The following MASTL variants were observed in gnomAD, a reference collection of about 807,000 sequenced individuals.
MASTL encodes serine/threonine-protein kinase greatwall.
A neutral mutation model predicts 82.5 loss-of-function variants in MASTL; 54 were observed. The ratio of observed to expected loss-of-function variants is 0.65; its 90% confidence interval spans 0.53 to 0.82. The LOEUF is 0.82. Among genes scored for constraint, MASTL ranks in the 40% least tolerant of loss-of-function variants. The pLI, the probability that MASTL is intolerant of heterozygous loss-of-function variation, is 0.00. For synonymous variants in MASTL, 323 were observed against 368.9 expected (o/e 0.88, Z 1.43); for missense variants, 950 against 1,047.8 (o/e 0.91, Z 1.29).
intron 2 of MASTL, among the ~76,000 whole-genome samples, 168 bp downstream of exon 2, chr10:27,158,854 GA>G (rs2057478668): frequency 6.6e-6 from 1 of 152,176 alleles, no homozygotes; most frequent in Non-Finnish European, 1.5e-5. Context: ...CAAAGAAAAA[GA>G]ACCAATAAGA....
At chr10:27,174,309 C>T (rs1026718761) in intron 9 of MASTL, among the ~76,000 whole-genome samples, 5 of 151,672 alleles carry the variant, frequency 3.3e-5, no homozygotes, top group South Asian at 2.1e-4. Flanking sequence ...GAGCCAAGAT[C>T]GTGCCACTAC....
chr10:27,170,121 C>T lies in MASTL; in HGVS notation c.1162C>T (p.Leu388Phe). The T allele has an allele frequency of 6.2e-7, 1 of 1,614,078 alleles. No individual in the cohort carries two copies. Among genetic ancestry groups the T allele is most frequent in the Non-Finnish European group, 8.5e-7 (1 of 1,180,006 alleles). Reference sequence around the variant, plus strand: ...CACCACTGGACGCTCTTGTGTAAACCTTGCTAAAAAATGCTTCTCTGGGGA... The same window carrying T: ...CACCACTGGACGCTCTTGTGTAAACTTTGCTAAAAAATGCTTCTCTGGGGA... ...LPTTGRSCVN[L>F]AKKCFSGEVS... Residue 388 changes from leucine (L) to phenylalanine (F), a missense_variant, in exon 8 of 12, where the codon CTT becomes TTT. Transcript: ENST00000375940.
At chr10:27,166,489 A>T (rs979263265) in intron 6 of MASTL, among the ~76,000 whole-genome samples, 2 of 152,130 alleles carry the variant, frequency 1.3e-5, no homozygotes, top group African/African-American at 4.8e-5. Flanking sequence ...GCTCCTAGTT[A>T]TACATTAATT....
rs2057904605 is a variant in MASTL at position 27,170,738 on chromosome 10, C to T, written c.1779C>T (p.Ser593=). 3 of 1,613,690 alleles carry T rather than the reference C, an allele frequency of 1.9e-6. No homozygotes were observed. The highest frequency in any genetic ancestry group is 2.5e-6 in the Non-Finnish European group (3 of 1,179,756). Reference sequence around the variant, plus strand: ...GTCAGCCCTTAGATTCAGATAGAAGCATCAAAGAATCCTCTTTTGAAGAAT... The same window carrying T: ...GTCAGCCCTTAGATTCAGATAGAAGTATCAAAGAATCCTCTTTTGAAGAAT... ...LESQPLDSDR[S]IKESSFEESN... The change falls in exon 8 of 12, where the codon AGC becomes AGT. Residue 593 remains serine (S), a synonymous_variant. Coordinates refer to ENST00000375940, the MANE Select transcript of MASTL (RefSeq NM_001172303.3).
rs763021387 is a variant in MASTL, at chr10:27,186,523, G to C, written c.2627G>C (p.Gly876Ala). 8 of 1,613,832 alleles carry C rather than the reference G, an allele frequency of 5.0e-6. No individual in the cohort carries two copies. The Admixed American group carries it at 1.3e-4, about 27-fold the overall frequency. The change falls in exon 12 of 12, where the codon GGA becomes GCA. Residue 876 changes from glycine (G) to alanine (A), a missense_variant. Physicochemically the swap from Gly to Ala is moderately conservative, Grantham distance 60 (BLOSUM62 0). Coordinates refer to ENST00000375940, the MANE Select transcript of MASTL (RefSeq NM_001172303.3). ...ACTGCTCAGCACCTGACTGTATCTG[G>C]ATTTAGTCTGTAGCACAAAAATTTT... is the stretch of plus-strand genomic sequence containing the variant. ...RNTAQHLTVS[G>A]FSL
At chr10:27,154,499 A>C (rs779853018), upstream of MASTL, 68 of 538,756 alleles carry the variant, frequency 1.3e-4, no homozygotes, top group Non-Finnish European at 2.0e-4. Context: ...ATTTACAAGG[A>C]GCAGCGCCCC....
rs750022879 is a variant in MASTL at position 27,181,447 on chromosome 10, TAAAC to T, written c.2381-30_2381-27del. The T allele has an allele frequency of 6.2e-5, 89 of 1,440,364 alleles. 1 individual carries two copies. In the African/African-American group the frequency reaches 7.8e-4, roughly 13 times the overall value. 89.2% of individuals were successfully genotyped at this position (1,440,364 alleles called of 1,614,324 possible). A position where few individuals can be genotyped will look rare whatever the true frequency, so the allele number is the denominator to read the frequency against. Reference sequence around the variant, plus strand: ...TGGATACTATTATTTTGAGCAGTAATAAACAAGTTTATTTGTATATGTATAATTT... The same window carrying T: ...TGGATACTATTATTTTGAGCAGTAATAAGTTTATTTGTATATGTATAATTT... On this transcript the variant is annotated intron_variant, in intron 10 of 11. Transcript: ENST00000375940.
chr10:27,186,624 G>A lies in MASTL; in HGVS notation c.*88G>A, dbSNP rs770407671. 83 of 1,187,490 alleles carry A rather than the reference G, an allele frequency of 7.0e-5. No homozygotes were observed. The highest frequency in any genetic ancestry group is 9.6e-5 in the Non-Finnish European group (76 of 793,378). The allele number at this position is 1,187,490 out of a possible 1,614,324, so 73.6% of individuals were successfully genotyped here. A position where few individuals can be genotyped will look rare whatever the true frequency, so the allele number is the denominator to read the frequency against. ...CCTTAATACTAGATTGATCTAAGGG[G>A]GAAAGATCATTATTTAACCTAGTTC... On this transcript the variant is annotated 3_prime_UTR_variant, in exon 12 of 12. Transcript: ENST00000375940.
At chr10:27,165,215 T>G in intron 5 of MASTL, 45 bp downstream of exon 5, 1 of 1,431,686 alleles carries the variant, frequency 7.0e-7, no homozygotes. Context: ...CCCTTCATGA[T>G]CACCACTTAA....
At chr10:27,172,654 C>CA (rs796642250) in intron 8 of MASTL, among the ~76,000 whole-genome samples, 108 of 142,940 alleles carry the variant, frequency 7.6e-4, no homozygotes, top group East Asian at 3.4e-3. Flanking sequence ...AACTCCATCT[C>CA]AAAAAAAAAA....
chr10:27,170,342 T>TA lies in MASTL; in HGVS notation c.1390dup (p.Thr464AsnfsTer6). The TA allele has an allele frequency of 3.7e-6, 6 of 1,613,390 alleles. No individual in the cohort carries two copies. Among genetic ancestry groups the TA allele is most frequent in the Non-Finnish European group, 5.1e-6 (6 of 1,179,682 alleles). Reference sequence around the variant, plus strand: ...GTCCTTGTAAAAAAATTATACAGAATAAAAAAACTTGTGTAGAGTATAAGC... The same window carrying TA: ...GTCCTTGTAAAAAAATTATACAGAATAAAAAAAACTTGTGTAGAGTATAAGC... On this transcript the variant is annotated frameshift_variant, in exon 8 of 12. Transcript: ENST00000375940. LOFTEE classifies it high-confidence loss of function.
intron 9 of MASTL, among the ~76,000 whole-genome samples, chr10:27,178,812 T>C (rs576897065): frequency 1.3e-5 from 2 of 152,216 alleles, no homozygotes; most frequent in African/African-American, 4.8e-5. Context: ...ATCTAATCCA[T>C]TGGGATAATT....
intron 9 of MASTL, among the ~76,000 whole-genome samples, chr10:27,178,216 A>AC (rs1178189609): frequency 6.6e-6 from 1 of 151,982 alleles, no homozygotes; most frequent in Non-Finnish European, 1.5e-5. Context: ...ACATGGCGAA[A>AC]CCCCGTCTCC....
At chr10:27,155,256 A>T, upstream of MASTL, 2 of 664,838 alleles carry the variant, frequency 3.0e-6, no homozygotes, top group Non-Finnish European at 5.0e-6. Context: ...GGCTTTCCCG[A>T]CGCCCCCTCC....
rs1399083800 is a variant in MASTL at position 27,170,568 on chromosome 10, G to A, written c.1609G>A (p.Asp537Asn). The change falls in exon 8 of 12, where the codon GAT becomes AAT. Residue 537 changes from aspartate to asparagine, a missense_variant. Asp to Asn is a conservative substitution (Grantham distance 23, BLOSUM62 1). Coordinates refer to ENST00000375940, the MANE Select transcript of MASTL (RefSeq NM_001172303.3). ...MIAKNLMCEL[D>N]EDCEKNSKRD... ...AGCAAAAAACCTTATGTGTGAACTC[G>A]ATGAAGACTGTGAAAAGAATAGTAA... 6.8e-6 allele frequency: 11 copies of A among 1,613,248 alleles called. No individual in the cohort carries two copies. The highest frequency in any genetic ancestry group is 5.0e-5 in the Admixed American group (3 of 59,850).
At chr10:27,174,353 T>A (rs1215094165) in intron 9 of MASTL, among the ~76,000 whole-genome samples, 1 of 150,920 alleles carries the variant, frequency 6.6e-6, no homozygotes, top group African/African-American at 2.4e-5. Flanking sequence ...AGACTCTGTC[T>A]AAAAAAAAAT....
chr10:27,174,907 C>G (rs2058055959), intron 9 of MASTL, among the ~76,000 whole-genome samples: 2 of 152,056 alleles, frequency 1.3e-5, no homozygotes, highest in African/African-American at 4.8e-5. Context: ...CAGTTCAACC[C>G]ATAACATCAA....
At chr10:27,165,611 G>C in intron 6 of MASTL, 72 bp downstream of exon 6, 1 of 1,520,352 alleles carries the variant, frequency 6.6e-7, no homozygotes, top group Non-Finnish European at 9.1e-7. Context: ...GGGAGGCTGA[G>C]GCAGGATTTC....
chr10:27,172,529 CT>C (rs1188053177), intron 8 of MASTL, among the ~76,000 whole-genome samples: 2 of 152,118 alleles, frequency 1.3e-5, no homozygotes, highest in African/African-American at 4.8e-5. Flanking sequence ...TGGTGTATGC[CT>C]GTAATCCCAG....
Sources: allele counts gnomAD v4.1 joint callset (sites outside exome capture counted in the v4.1 genomes callset), GRCh38; gene constraint gnomAD v4.1.1; transcripts MANE v1.5; gene names NCBI Gene and HGNC (gene_info 2026-07-23, HGNC 2026-07-21).